Variants in NUP93 observed in about 807,000 individuals in gnomAD.
NUP93 encodes the protein nucleoporin 93, also known as nuclear pore complex protein Nup93.
Under a neutral mutation model 107.8 loss-of-function variants are expected in NUP93, and 55 were observed. The observed-to-expected ratio is 0.51, with a 90% CI of 0.41 to 0.64. The LOEUF (loss-of-function observed/expected upper bound fraction) is 0.64. Among genes scored for constraint, NUP93 ranks in the 30% least tolerant of loss-of-function variants. The probability of loss-of-function intolerance (pLI) is 0.00; values close to 1 mark genes in which losing one functional copy is unlikely to be tolerated. For synonymous variants in NUP93, 390 were observed against 397.5 expected, an observed-to-expected ratio of 0.98 and a Z score of 0.22; for missense variants, 937 against 1,044.7, an observed-to-expected ratio of 0.90 and a Z score of 1.42.
chr16:56,743,277 C>T lies in NUP93; in HGVS notation c.-14-4957C>T, dbSNP rs147029292. On this transcript the variant is annotated intron_variant, in intron 1 of 21. Coordinates refer to ENST00000308159, the MANE Select transcript of NUP93 (RefSeq NM_014669.5). Reference sequence around the variant, plus strand: ...TATATGCAGTTTGGGAATTTTCTTTCCACCTCATTTATGAATGTTGATATG... The same window carrying T: ...TATATGCAGTTTGGGAATTTTCTTTTCACCTCATTTATGAATGTTGATATG... Among the ~76,000 whole-genome samples, 453 of 152,246 alleles carry T rather than the reference C, an allele frequency of 3.0e-3. 1 individual carries two copies. The highest frequency in any genetic ancestry group is 9.5e-3 in the African/African-American group (396 of 41,534).
At chr16:56,781,721 A>G (rs1431682460) in intron 3 of NUP93, 5 of 575,178 alleles carry the variant, frequency 8.7e-6, no homozygotes, top group East Asian at 2.9e-4. Context: ...TGGGTTGGGG[A>G]AAAAAAGTAT....
chr16:56,822,896 A>G (rs1474758121), intron 7 of NUP93, among the ~76,000 whole-genome samples: 9 of 152,216 alleles, frequency 5.9e-5, no homozygotes, highest in African/African-American at 2.2e-4. Context: ...TTGTCTGGAC[A>G]TTCTAAAATT....
chr16:56,795,713 C>T (rs768915574), intron 3 of NUP93, among the ~76,000 whole-genome samples: 3 of 151,840 alleles, frequency 2.0e-5, no homozygotes, highest in African/African-American at 4.8e-5. Flanking sequence ...GTGGCGTGAC[C>T]TCAGCTCACT....
chr16:56,790,115 A>AACAAAACAAC lies in NUP93; in HGVS notation c.298-8352_298-8351insCACAAAACAA, dbSNP rs140360414. On this transcript the variant is annotated intron_variant, in intron 3 of 21. Coordinates refer to ENST00000308159, the MANE Select transcript of NUP93 (RefSeq NM_014669.5). ...TCCATCTCAAAACAAAACAAAACAAAACAAAACAAAACAAAAAAACAAGCA... is the reference window on the plus strand; with the variant it reads ...TCCATCTCAAAACAAAACAAAACAAAACAAAACAACACAAAACAAAACAAAAAAACAAGCA... Among the ~76,000 whole-genome samples the AACAAAACAAC allele has an allele frequency of 3.1e-3, 467 of 151,916 alleles. 3 individuals carry two copies. The highest frequency in any genetic ancestry group is 0.011 in the African/African-American group (442 of 41,428).
At chr16:56,837,242 C>T (rs1242871358) in intron 17 of NUP93, among the ~76,000 whole-genome samples, 1 of 152,196 alleles carries the variant, frequency 6.6e-6, no homozygotes, top group East Asian at 1.9e-4. Context: ...ACATTCTCTC[C>T]TTTATCAACT....
At chr16:56,745,542 G>T (rs1961808241) in intron 1 of NUP93, among the ~76,000 whole-genome samples, 1 of 152,206 alleles carries the variant, frequency 6.6e-6, no homozygotes, top group Non-Finnish European at 1.5e-5. Context: ...GAGGCAGCTT[G>T]GATGTGGGGA....
chr16:56,830,434 T>C, intron 9 of NUP93, 94 bp from the exon 10 acceptor site: 2 of 1,199,742 alleles, frequency 1.7e-6, no homozygotes, highest in South Asian at 1.8e-5. Context: ...AAGTGACATA[T>C]TATAAAGGAG....
In NUP93 at chr16:56,805,527, C is replaced by T. The variant is rs1803870; in HGVS notation, c.384C>T (p.Tyr128=). 0.1 allele frequency: 166,604 copies of T among 1,613,600 alleles called. 9,039 individuals are homozygous for T. The highest frequency in any genetic ancestry group is 0.15 in the East Asian group (6,950 of 44,864). Reference sequence around the variant, plus strand: ...AGACCTTCGGCATGGCTGAGGAGTACCATCGGGAGTCAATGTTGGTTGAGT... The same window carrying T: ...AGACCTTCGGCATGGCTGAGGAGTATCATCGGGAGTCAATGTTGGTTGAGT... ...RKRTFGMAEE[Y]HRESMLVEWE... is the part of the protein sequence containing the mutation. Residue 128 remains tyrosine (Y), a synonymous_variant, in exon 5 of 22, where the codon TAC becomes TAT. Coordinates refer to ENST00000308159, the MANE Select transcript of NUP93 (RefSeq NM_014669.5).
At chr16:56,841,558 C>A in intron 20 of NUP93, 147 bp from the exon 21 acceptor site, 1 of 922,118 alleles carries the variant, frequency 1.1e-6, no homozygotes, top group Non-Finnish European at 1.6e-6. Flanking sequence ...GCCATCAGCT[C>A]CTTTTGGGTG....
At chr16:56,814,001 G>A (rs1380339766) in intron 5 of NUP93, among the ~76,000 whole-genome samples, 3 of 152,058 alleles carry the variant, frequency 2.0e-5, no homozygotes, top group Non-Finnish European at 4.4e-5. Flanking sequence ...CAGTAGTACT[G>A]GACTTTTGCC....
intron 1 of NUP93, among the ~76,000 whole-genome samples, chr16:56,735,192 T>C (rs1182488276): frequency 1.3e-5 from 2 of 152,190 alleles, no homozygotes; most frequent in African/African-American, 4.8e-5. Flanking sequence ...GTGGTAATAA[T>C]GATAGCTAAT....
chr16:56,804,905 CAAA>C (rs58373431), intron 4 of NUP93, among the ~76,000 whole-genome samples: 4 of 64,924 alleles, frequency 6.2e-5, no homozygotes, highest in Non-Finnish European at 1.3e-4. Flanking sequence ...AACTCTGTCT[CAAA>C]AAAAAAAAAA....
At chr16:56,785,223 A>G (rs1962599283) in intron 3 of NUP93, among the ~76,000 whole-genome samples, 1 of 152,300 alleles carries the variant, frequency 6.6e-6, no homozygotes, top group East Asian at 1.9e-4. Context: ...GGGGGGTATC[A>G]CAGAGCCTCC....
chr16:56,839,608 A>G lies in NUP93; in HGVS notation c.2220+4A>G. 6.2e-7 allele frequency: 1 copy of G among 1,608,462 alleles called. No individual in the cohort carries two copies. Among genetic ancestry groups the G allele is most frequent in the Non-Finnish European group, 8.5e-7 (1 of 1,174,960 alleles). On this transcript the variant is annotated splice_donor_region_variant and intron_variant, in intron 20 of 21. Transcript: ENST00000308159. Reference sequence around the variant, plus strand: ...CTTCAGAAATTTCAGTGATGAAGTAAGTTCCTTCTTCCTGAGTTGTGGAAT... The same window carrying G: ...CTTCAGAAATTTCAGTGATGAAGTAGGTTCCTTCTTCCTGAGTTGTGGAAT...
chr16:56,742,048 A>G (rs188731860), intron 1 of NUP93, among the ~76,000 whole-genome samples: 86 of 152,328 alleles, frequency 5.6e-4, no homozygotes, highest in Middle Eastern at 6.8e-3. Flanking sequence ...TGTGGGTGAT[A>G]AGGAAAAGGG....
Position 56,831,926 on chromosome 16 carries a change from G to A in NUP93, c.1170G>A (p.Val390=), listed in dbSNP as rs374028198. 3.1e-6 allele frequency: 5 copies of A among 1,614,030 alleles called. No homozygotes were observed. Among genetic ancestry groups the A allele is most frequent in the Non-Finnish European group, 4.2e-6 (5 of 1,180,026 alleles). ...RNNTDPYKRA[V]YCIIGRCDVT... Reference sequence around the variant, plus strand: ...ATACAGATCCCTACAAGCGGGCCGTGTACTGTATCATTGGCAGATGTGACG... The same window carrying A: ...ATACAGATCCCTACAAGCGGGCCGTATACTGTATCATTGGCAGATGTGACG... Residue 390 remains valine, a synonymous_variant, in exon 11 of 22, where the codon GTG becomes GTA. Coordinates refer to ENST00000308159, the MANE Select transcript of NUP93 (RefSeq NM_014669.5).
At position 56,847,032 on chromosome 16, in the gene NUP93, T is replaced by G. The variant is rs1462536497; in HGVS notation, c.*2423T>G. 1 of 152,272 alleles carries G rather than the reference T, an allele frequency of 6.6e-6. No individual in the cohort carries two copies. Among genetic ancestry groups the G allele is most frequent in the Admixed American group, 6.5e-5 (1 of 15,284 alleles). The allele number at this position is 152,272 out of a possible 1,614,324, so 9.4% of individuals were successfully genotyped here. A position where few individuals can be genotyped will look rare whatever the true frequency, so the allele number is the denominator to read the frequency against. ...GGAGAGAAGCAGCCAGACCTTGAGCTGCTCTGCTAGGGGAGCTGTGAGTTG... is the reference window on the plus strand; with the variant it reads ...GGAGAGAAGCAGCCAGACCTTGAGCGGCTCTGCTAGGGGAGCTGTGAGTTG... On this transcript the variant is annotated 3_prime_UTR_variant, in exon 22 of 22. Coordinates refer to ENST00000308159, the MANE Select transcript of NUP93 (RefSeq NM_014669.5).
rs548837284 is a variant in NUP93, at chr16:56,773,293, T to C, written c.297+14638T>C. 2.6e-5 allele frequency among the ~76,000 whole-genome samples: 4 copies of C among 152,380 alleles called. No homozygotes were observed. The South Asian group carries it at 8.3e-4, about 32-fold the overall frequency. ...AATTAATCTACCTCCCAACCTCATA[T>C]ATGCTTTTCACTATTTGTTAACTAT... On this transcript the variant is annotated intron_variant, in intron 3 of 21. Coordinates refer to ENST00000308159, the MANE Select transcript of NUP93 (RefSeq NM_014669.5).
intron 3 of NUP93, among the ~76,000 whole-genome samples, chr16:56,773,205 G>A (rs761272574): frequency 5.9e-5 from 9 of 152,234 alleles, no homozygotes; most frequent in Non-Finnish European, 1.3e-4. Context: ...GAACGGGGAA[G>A]AAACTGACCA....
Sources: allele counts gnomAD v4.1 joint callset (sites outside exome capture counted in the v4.1 genomes callset), GRCh38; gene constraint gnomAD v4.1.1; transcripts MANE v1.5; gene names NCBI Gene and HGNC (gene_info 2026-07-23, HGNC 2026-07-21).